Variants in OVCH1 observed in about 807,000 individuals in gnomAD.
OVCH1 encodes ovochymase-1.
In OVCH1, 139 loss-of-function variants were observed where a neutral mutation model predicts 138.4. The observed-to-expected ratio is 1.00, with a 90% CI of 0.87 to 1.16. OVCH1 has a LOEUF of 1.16. Among genes scored for constraint, OVCH1 ranks in the 50% most tolerant of loss-of-function variants. The pLI, the probability that OVCH1 is intolerant of heterozygous loss-of-function variation, is 0.00. For synonymous variants in OVCH1, 453 were observed against 467.8 expected, an observed-to-expected ratio of 0.97 and a Z score of 0.41; for missense variants, 1,367 against 1,357.9, an observed-to-expected ratio of 1.01 and a Z score of -0.11.
intron 25 of OVCH1, among the ~76,000 whole-genome samples, chr12:29,441,418 T>C (rs1191437619): frequency 6.6e-6 from 1 of 152,212 alleles, no homozygotes; most frequent in Non-Finnish European, 1.5e-5. Flanking sequence ...GCTAGCCATA[T>C]GGAGAAAGCT....
chr12:29,447,920 C>T (rs1362546744), intron 22 of OVCH1, among the ~76,000 whole-genome samples: 1 of 151,804 alleles, frequency 6.6e-6, no homozygotes, highest in Non-Finnish European at 1.5e-5. Flanking sequence ...CTTCTTGATA[C>T]AAACAGGCAA....
intron 4 of OVCH1, among the ~76,000 whole-genome samples, chr12:29,492,127 G>A (rs1041277892): frequency 6.6e-6 from 1 of 152,110 alleles, no homozygotes; most frequent in African/African-American, 2.4e-5. Flanking sequence ...CATGGAAGAT[G>A]TCATTTTAAA....
intron 6 of OVCH1, among the ~76,000 whole-genome samples, chr12:29,488,563 G>C (rs1943179925): frequency 7.2e-6 from 1 of 138,536 alleles, no homozygotes; most frequent in Non-Finnish European, 1.5e-5. Context: ...AGGTTGCCGT[G>C]AGCCAAGATT....
At chr12:29,477,107 T>A in exon 12 of OVCH1, 1 of 1,606,082 alleles carries the variant, frequency 6.2e-7, no homozygotes, top group Non-Finnish European at 8.5e-7. Context: ...CCTACCTTTA[T>A]AATGTGCTTC....
At chr12:29,435,233 G>A (rs997686078) in intron 26 of OVCH1, among the ~76,000 whole-genome samples, 10 of 152,262 alleles carry the variant, frequency 6.6e-5, no homozygotes, top group South Asian at 4.1e-4. Context: ...GCGTGAGCCT[G>A]TAGTCCCAGC....
exon 1 of OVCH1, chr12:29,497,669 A>C (rs749897154): frequency 6.2e-7 from 1 of 1,613,990 alleles, no homozygotes; most frequent in Non-Finnish European, 8.5e-7. Flanking sequence ...ACAAACCAGC[A>C]CTGGCCAGCA....
intron 3 of OVCH1, among the ~76,000 whole-genome samples, chr12:29,421,396 C>G (rs1404114402): frequency 6.6e-6 from 1 of 152,120 alleles, no homozygotes; most frequent in Non-Finnish European, 1.5e-5. Context: ...AGGTTCAAAA[C>G]TAGGATTCTG....
intron 8 of OVCH1, among the ~76,000 whole-genome samples, chr12:29,480,690 G>A (rs1252768488): frequency 1.3e-5 from 2 of 151,958 alleles, no homozygotes; most frequent in Non-Finnish European, 2.9e-5. Flanking sequence ...CAACCTGGGT[G>A]GTATCTGTCA....
Position 29,445,263 on chromosome 12 carries a change from A to G in OVCH1, c.2881+15T>C, listed in dbSNP as rs369948564. 4 of 1,598,940 alleles carry G rather than the reference A, an allele frequency of 2.5e-6. No individual in the cohort carries two copies. The African/African-American group carries it at 5.4e-5, about 22-fold the overall frequency. On this transcript the variant is annotated intron_variant, in intron 23 of 27. Transcript: ENST00000318184. Reference sequence around the variant, plus strand: ...TTCTTTAGCCTTTACAAGTTTATAAAATAACCAAACATACCTAGGACTTTC... The same window carrying G: ...TTCTTTAGCCTTTACAAGTTTATAAGATAACCAAACATACCTAGGACTTTC...
At chr12:29,479,829 T>C (rs1472847185) in intron 8 of OVCH1, among the ~76,000 whole-genome samples, 1 of 148,608 alleles carries the variant, frequency 6.7e-6, no homozygotes, top group African/African-American at 2.5e-5. Flanking sequence ...TTTTTCTTTT[T>C]TTTTTTTTTT....
chr12:29,415,073 G>A (rs575800636), intron 3 of OVCH1, among the ~76,000 whole-genome samples: 2 of 152,104 alleles, frequency 1.3e-5, no homozygotes, highest in Non-Finnish European at 2.9e-5. Flanking sequence ...TGGGAAAAAA[G>A]TCATCTCTCA....
At chr12:29,437,236 C>T (rs1941380817) in intron 26 of OVCH1, among the ~76,000 whole-genome samples, 1 of 152,170 alleles carries the variant, frequency 6.6e-6, no homozygotes, top group African/African-American at 2.4e-5. Flanking sequence ...TCTCCAAGTC[C>T]CCACCCAATC....
At chr12:29,404,923 G>A in the OVCH1 span, among the ~76,000 whole-genome samples, 1 of 150,062 alleles carries the variant, frequency 6.7e-6, no homozygotes, top group East Asian at 2.0e-4. Flanking sequence ...TCGGGACGCT[G>A]AGGCAGGAGA....
chr12:29,412,137 GC>G (rs1167031863), downstream of OVCH1, among the ~76,000 whole-genome samples: 38 of 152,190 alleles, frequency 2.5e-4, no homozygotes, highest in African/African-American at 8.9e-4. Context: ...CTCCTGGTGC[GC>G]CGTTTTTTAA....
intron 21 of OVCH1, among the ~76,000 whole-genome samples, chr12:29,453,942 C>T (rs1302328763): frequency 1.3e-5 from 2 of 152,098 alleles, no homozygotes; most frequent in Admixed American, 6.6e-5. Context: ...GTCATTTTCT[C>T]GAGAAATATG....
chr12:29,436,930 C>T (rs139554276), intron 26 of OVCH1, among the ~76,000 whole-genome samples: 47 of 152,328 alleles, frequency 3.1e-4, no homozygotes, highest in African/African-American at 9.9e-4. Context: ...AAGCGGGTTG[C>T]TGCTGCTGGC....
At chr12:29,439,371 T>C (rs1356778488) in exon 26 of OVCH1, 1 of 1,577,298 alleles carries the variant, frequency 6.3e-7, no homozygotes, top group African/African-American at 1.4e-5. Context: ...GTTAATAAAA[T>C]TCAGTTTTTC....
At chr12:29,418,904 C>A (rs913392480) in intron 3 of OVCH1, among the ~76,000 whole-genome samples, 1 of 152,206 alleles carries the variant, frequency 6.6e-6, no homozygotes, top group East Asian at 1.9e-4. Flanking sequence ...TATCACCAAT[C>A]TGGAGTACAC....
At chr12:29,430,845 T>C in intron 27 of OVCH1, 1 of 515,320 alleles carries the variant, frequency 1.9e-6, no homozygotes, top group South Asian at 1.4e-5. Flanking sequence ...CTTGATCAGT[T>C]CAAATTGTTA....
Sources: gnomAD v4.1 joint callset for allele counts (sites outside exome capture counted in the v4.1 genomes callset) on GRCh38, gnomAD v4.1.1 for gene constraint, MANE v1.5 for transcripts, NCBI Gene and HGNC (gene_info 2026-07-23, HGNC 2026-07-21) for gene names.